Variants in TMEM123 observed in about 807,000 individuals in gnomAD.
TMEM123 encodes transmembrane protein 123.
A neutral mutation model predicts 19.7 loss-of-function variants in TMEM123; 16 were observed. That is an observed-to-expected ratio of 0.81 (90% CI 0.55 to 1.23). TMEM123 has a LOEUF of 1.23. Among genes scored for constraint, TMEM123 ranks in the 50% most tolerant of loss-of-function variants. The pLI, the probability that TMEM123 is intolerant of heterozygous loss-of-function variation, is 0.00. For synonymous variants in TMEM123, 118 were observed against 99.4 expected, an observed-to-expected ratio of 1.19 and a Z score of -1.12; for missense variants, 313 against 257.8, an observed-to-expected ratio of 1.21 and a Z score of -1.47.
At chr11:102,439,050 G>A (rs1857796283) in intron 2 of TMEM123, among the ~76,000 whole-genome samples, 1 of 152,310 alleles carries the variant, frequency 6.6e-6, no homozygotes, top group African/African-American at 2.4e-5. Context: ...AGGGGCGTCC[G>A]CCAGTGCTGA....
intron 2 of TMEM123, among the ~76,000 whole-genome samples, chr11:102,425,010 A>C (rs1392330391): frequency 6.6e-6 from 1 of 152,254 alleles, no homozygotes; most frequent in Admixed American, 6.5e-5. Flanking sequence ...TTGAAAATAC[A>C]GAAGCAAGAA....
intron 2 of TMEM123, among the ~76,000 whole-genome samples, chr11:102,413,779 G>T (rs536806699): frequency 6.6e-6 from 1 of 152,308 alleles, no homozygotes; most frequent in Non-Finnish European, 1.5e-5. Context: ...ACCAGCGCAA[G>T]AACTCTGGCA....
At chr11:102,399,489 C>T (rs745379780) in intron 4 of TMEM123, among the ~76,000 whole-genome samples, 24 of 152,060 alleles carry the variant, frequency 1.6e-4, no homozygotes, top group African/African-American at 2.4e-4. Flanking sequence ...CATGTATTGA[C>T]CTTAAAAAAG....
intron 2 of TMEM123, among the ~76,000 whole-genome samples, chr11:102,437,318 G>T (rs1313232435): frequency 6.6e-6 from 1 of 152,026 alleles, no homozygotes; most frequent in African/African-American, 2.4e-5. Flanking sequence ...AATTAGCTGG[G>T]TGCGGTGGCA....
rs748365799 is a variant in TMEM123 at position 102,452,524 on chromosome 11, C to A, written c.100G>T (p.Ala34Ser). The change falls in exon 1 of 5, where the codon GCA (alanine) becomes TCA (serine). Residue 34 changes from alanine (A) to serine (S), a missense_variant and splice_region_variant. Coordinates refer to ENST00000398136, the MANE Select transcript of TMEM123 (RefSeq NM_052932.3). The part of the protein sequence containing the change: ...GAAHESAAMA[A>S]SANIENSGLP... ...GCTGACGACCCCCGCAGCCACTTAC[C>A]CGCCATGGCTGCGCTTTCATGGGCG... The A allele has an allele frequency of 4.5e-6, 7 of 1,542,150 alleles. No individual in the cohort carries two copies. Among genetic ancestry groups the A allele is most frequent in the Middle Eastern group, 3.4e-4 (2 of 5,884 alleles).
At chr11:102,451,951 CG>C (rs1361963725) in intron 1 of TMEM123, among the ~76,000 whole-genome samples, 1 of 152,212 alleles carries the variant, frequency 6.6e-6, no homozygotes, top group Non-Finnish European at 1.5e-5. Context: ...ACCGCGAGGG[CG>C]GGGCGCGCTC....
intron 2 of TMEM123, among the ~76,000 whole-genome samples, chr11:102,428,465 CTTTT>C (rs111246802): frequency 1.4e-5 from 2 of 142,448 alleles, no homozygotes; most frequent in Non-Finnish European, 3.1e-5. Flanking sequence ...CCACACCCAG[CTTTT>C]TTTTTTTTTT....
intron 4 of TMEM123, among the ~76,000 whole-genome samples, chr11:102,399,451 T>A (rs934070465): frequency 6.6e-6 from 1 of 152,134 alleles, no homozygotes; most frequent in South Asian, 2.1e-4. Flanking sequence ...GCACTCTGTT[T>A]AGTCATGGTT....
chr11:102,431,920 T>C (rs765794809), intron 2 of TMEM123, among the ~76,000 whole-genome samples: 2 of 152,172 alleles, frequency 1.3e-5, no homozygotes, highest in East Asian at 1.9e-4. Flanking sequence ...TGCTGGCACT[T>C]TCTCTCTCCT....
intron 2 of TMEM123, among the ~76,000 whole-genome samples, chr11:102,403,767 T>G (rs548381800): frequency 5.9e-5 from 9 of 152,218 alleles, no homozygotes; most frequent in African/African-American, 2.2e-4. Context: ...GCCCTTCACG[T>G]GGTAGTGAGT....
Position 102,396,388 on chromosome 11 carries a change from A to G in TMEM123, c.*2479T>C, listed in dbSNP as rs936999709. 1 of 152,276 alleles carries G rather than the reference A, an allele frequency of 6.6e-6. No individual in the cohort carries two copies. Among genetic ancestry groups the G allele is most frequent in the Non-Finnish European group, 1.5e-5 (1 of 68,050 alleles). 9.4% of individuals were successfully genotyped at this position (152,276 alleles called of 1,614,324 possible). ...TAGAACTTGGTAACAATGAAATACC[A>G]AAAGCTGGTCATTATAATAAAAAGA... On this transcript the variant is annotated 3_prime_UTR_variant, in exon 5 of 5. Transcript: ENST00000398136.
chr11:102,400,825 T>C (rs1951906466), intron 4 of TMEM123, among the ~76,000 whole-genome samples: 1 of 152,228 alleles, frequency 6.6e-6, no homozygotes, highest in Non-Finnish European at 1.5e-5. Context: ...GTGTGAGAAC[T>C]AAATGTCTGC....
At position 102,397,428 on chromosome 11, in the gene TMEM123, T is replaced by A. The variant is rs1951866810; in HGVS notation, c.*1439A>T. 6.6e-6 allele frequency: 1 copy of A among 152,208 alleles called. No homozygotes were observed. The highest frequency in any genetic ancestry group is 2.4e-5 in the African/African-American group (1 of 41,472). 9.4% of individuals were successfully genotyped at this position (152,208 alleles called of 1,614,324 possible). A position where few individuals can be genotyped will look rare whatever the true frequency, so the allele number is the denominator to read the frequency against. On this transcript the variant is annotated 3_prime_UTR_variant, in exon 5 of 5. Transcript: ENST00000398136. ...ATGCCATCTTAGTATTTACTGTGAC[T>A]ACATACCTCTTTTGTTAAAACTTGA...
In TMEM123 at chr11:102,401,944, T is replaced by C. The variant is rs778350980; in HGVS notation, c.420A>G (p.Ser140=). The change falls in exon 3 of 5, where the codon TCA becomes TCG. Residue 140 remains serine (S), a synonymous_variant. Transcript: ENST00000398136. ...TTACTGATGAAGCAGCAGATGTCACTGAACTATTGTGGGTTACGGTCATTG... is the reference window on the plus strand; with the variant it reads ...TTACTGATGAAGCAGCAGATGTCACCGAACTATTGTGGGTTACGGTCATTG... The part of the protein sequence containing the change: ...TSTMTVTHNS[S]VTSAASSVTI... 9 of 1,614,184 alleles carry C rather than the reference T, an allele frequency of 5.6e-6. No homozygotes were observed. In the South Asian group the frequency reaches 9.9e-5, roughly 18 times the overall value.
At chr11:102,431,775 G>T (rs1445345294) in intron 2 of TMEM123, among the ~76,000 whole-genome samples, 1 of 152,178 alleles carries the variant, frequency 6.6e-6, no homozygotes, top group East Asian at 1.9e-4. Flanking sequence ...ATCTTGAATT[G>T]TAATCCCCAT....
chr11:102,401,473 T>G, intron 4 of TMEM123, 66 bp downstream of exon 4: 1 of 1,407,992 alleles, frequency 7.1e-7, no homozygotes, highest in Non-Finnish European at 9.5e-7. Flanking sequence ...TGGCTTGATA[T>G]TCTATCATAA....
intron 2 of TMEM123, among the ~76,000 whole-genome samples, chr11:102,406,323 C>A (rs1027102418): frequency 6.6e-5 from 10 of 152,124 alleles, no homozygotes; most frequent in Non-Finnish European, 2.9e-5. Flanking sequence ...CACCTTACAC[C>A]AGCCTGGGAA....
chr11:102,449,682 TAC>T (rs1484304886), intron 1 of TMEM123, among the ~76,000 whole-genome samples: 1 of 152,368 alleles, frequency 6.6e-6, no homozygotes, highest in South Asian at 2.1e-4. Flanking sequence ...CACAAAAGGA[TAC>T]AGTGTAAGAT....
intron 3 of TMEM123, 109 bp downstream of exon 3, chr11:102,401,807 T>TC: frequency 6.7e-7 from 1 of 1,495,814 alleles, no homozygotes; most frequent in South Asian, 1.4e-5. Context: ...TTAAGGGAAA[T>TC]CTAGGCATAT....
Sources: gnomAD v4.1 joint callset for allele counts (sites outside exome capture counted in the v4.1 genomes callset) on GRCh38, gnomAD v4.1.1 for gene constraint, MANE v1.5 for transcripts, NCBI Gene and HGNC (gene_info 2026-07-23, HGNC 2026-07-21) for gene names.